The following BARX2 variants were observed in gnomAD, a reference collection of about 807,000 sequenced individuals.
BARX2 encodes BARX homeobox 2.
A neutral mutation model predicts 25.5 loss-of-function variants in BARX2; 11 were observed. The ratio of observed to expected loss-of-function variants is 0.43; its 90% CI spans 0.27 to 0.71. The LOEUF is 0.71. BARX2 is among the 30% of genes least tolerant of loss of function. BARX2 has a pLI of 0.19. For missense variants in BARX2, 360 were observed against 359.9 expected (o/e 1.00, Z 0.00); for synonymous variants, 137 against 149.5 (o/e 0.92, Z 0.61).
At chr11:129,442,255 G>A (rs150168410) in intron 2 of BARX2, among the ~76,000 whole-genome samples, 8 of 152,248 alleles carry the variant, frequency 5.3e-5, no homozygotes, top group African/African-American at 1.2e-4. Flanking sequence ...GAAGGTATAC[G>A]CTGCCCTGGC....
chr11:129,397,598 T>C (rs1263319629), intron 1 of BARX2, among the ~76,000 whole-genome samples: 1 of 152,212 alleles, frequency 6.6e-6, no homozygotes, highest in Non-Finnish European at 1.5e-5. Flanking sequence ...TAAAAAAATA[T>C]TGTGGACCAT....
intron 1 of BARX2, among the ~76,000 whole-genome samples, chr11:129,416,084 G>C (rs1487300603): frequency 6.6e-6 from 1 of 152,198 alleles, no homozygotes; most frequent in East Asian, 1.9e-4. Context: ...TGGGCTGGCT[G>C]TTCTCTGTGT....
chr11:129,437,527 A>C, intron 2 of BARX2: 2 of 986,166 alleles, frequency 2.0e-6, no homozygotes, highest in Non-Finnish European at 2.4e-6. Context: ...GGAGGGATCC[A>C]GTTGAGGAGG....
intron 1 of BARX2, among the ~76,000 whole-genome samples, chr11:129,377,841 T>A (rs1861519615): frequency 6.6e-6 from 1 of 152,236 alleles, no homozygotes; most frequent in African/African-American, 2.4e-5. Context: ...AGTGACTTTG[T>A]GCTGTGTTGA....
chr11:129,410,369 G>T (rs796122897), intron 1 of BARX2, among the ~76,000 whole-genome samples: 7 of 152,164 alleles, frequency 4.6e-5, no homozygotes, highest in African/African-American at 1.7e-4. Context: ...TCTCTCTGAG[G>T]ATGTTAATGA....
At chr11:129,391,263 C>T (rs1446385000) in intron 1 of BARX2, among the ~76,000 whole-genome samples, 2 of 152,124 alleles carry the variant, frequency 1.3e-5, no homozygotes, top group East Asian at 3.9e-4. Flanking sequence ...AAATCAAAAG[C>T]GGAACATTTC....
rs200656284 is a variant in BARX2, at chr11:129,385,256, C to T, written c.187+9034C>T. On this transcript the variant is annotated intron_variant, in intron 1 of 3. Coordinates refer to ENST00000281437, the MANE Select transcript of BARX2 (RefSeq NM_003658.5). ...AATTTGGCAACAAATGGCAAAGCTG[C>T]AGACGCACATACCCTAGGGCTCAGC... 1.6e-4 allele frequency among the ~76,000 whole-genome samples: 25 copies of T among 152,278 alleles called. No individual in the cohort carries two copies. In the East Asian group the frequency reaches 3.5e-3, roughly 21 times the overall value.
At chr11:129,417,684 AACTGGGTTCTCCGATGCTG>A (rs1861959889) in intron 1 of BARX2, among the ~76,000 whole-genome samples, 1 of 152,140 alleles carries the variant, frequency 6.6e-6, no homozygotes, top group African/African-American at 2.4e-5. Flanking sequence ...TTGGTGTGGG[AACTGGGTTCTCCGATGCTG>A]ACTGCAAGAG....
rs1045039137 is a variant in BARX2, at chr11:129,412,189, G to A, written c.188-24562G>A. Among the ~76,000 whole-genome samples, 2 of 151,856 alleles carry A rather than the reference G, an allele frequency of 1.3e-5. 1 individual carries two copies. The highest frequency in any genetic ancestry group is 4.2e-4 in the South Asian group (2 of 4,810). On this transcript the variant is annotated intron_variant, in intron 1 of 3. Transcript: ENST00000281437. Reference sequence around the variant, plus strand: ...CGGGAGGCTGAGGCAGGAGAACGGCGTGAACCTGGGAGGCGGAGCTTGCAG... The same window carrying A: ...CGGGAGGCTGAGGCAGGAGAACGGCATGAACCTGGGAGGCGGAGCTTGCAG...
intron 1 of BARX2, among the ~76,000 whole-genome samples, chr11:129,406,736 C>G (rs559964585): frequency 1.6e-3 from 246 of 152,250 alleles, no homozygotes; most frequent in Admixed American, 2.9e-3. Flanking sequence ...TTCAGTTGAG[C>G]CTGCATGTCA....
At chr11:129,435,414 G>A (rs1862177373) in intron 1 of BARX2, among the ~76,000 whole-genome samples, 1 of 152,220 alleles carries the variant, frequency 6.6e-6, no homozygotes, top group Non-Finnish European at 1.5e-5. Context: ...GGCATGGGAA[G>A]GAATAAGAAG....
At chr11:129,384,288 C>G (rs1311742266) in intron 1 of BARX2, among the ~76,000 whole-genome samples, 1 of 150,986 alleles carries the variant, frequency 6.6e-6, no homozygotes, top group Non-Finnish European at 1.5e-5. Context: ...GATGCTTATC[C>G]TTTGGTTTTT....
intron 1 of BARX2, among the ~76,000 whole-genome samples, chr11:129,379,678 G>A (rs773625341): frequency 3.9e-5 from 6 of 151,924 alleles, no homozygotes; most frequent in Admixed American, 6.6e-5. Flanking sequence ...AATTTGAGGC[G>A]TGTTGAGAAA....
chr11:129,412,415 G>A (rs761599521), intron 1 of BARX2, among the ~76,000 whole-genome samples: 8 of 152,176 alleles, frequency 5.3e-5, no homozygotes, highest in Admixed American at 1.3e-4. Context: ...GAGGGTTCTC[G>A]GCTTTGCCTA....
At chr11:129,392,693 CCT>C (rs1368957459) in intron 1 of BARX2, among the ~76,000 whole-genome samples, 2 of 152,070 alleles carry the variant, frequency 1.3e-5, no homozygotes, top group Non-Finnish European at 2.9e-5. Context: ...CCCACTGCAG[CCT>C]CTCTTTCCTG....
intron 3 of BARX2, among the ~76,000 whole-genome samples, chr11:129,443,160 T>G (rs1051293407): frequency 1.1e-4 from 17 of 152,164 alleles, no homozygotes; most frequent in Admixed American, 9.2e-4. Context: ...AAAAAAAGCT[T>G]ACAGGCTTTT....
At chr11:129,442,999 C>T in intron 3 of BARX2, 80 bp downstream of exon 3, 1 of 1,327,342 alleles carries the variant, frequency 7.5e-7, no homozygotes, top group Non-Finnish European at 1.1e-6. Flanking sequence ...GGAGGCCGGA[C>T]CATTTGGCAG....
intron 1 of BARX2, among the ~76,000 whole-genome samples, chr11:129,389,132 T>A (rs1408032154): frequency 6.6e-6 from 1 of 152,250 alleles, no homozygotes. Flanking sequence ...ATAGGGTTAG[T>A]TGTGGAGGTT....
chr11:129,393,481 T>C (rs1030096522), intron 1 of BARX2, among the ~76,000 whole-genome samples: 1 of 151,976 alleles, frequency 6.6e-6, no homozygotes, highest in Non-Finnish European at 1.5e-5. Flanking sequence ...TCTTTCTTTG[T>C]AGGCCATATA....
Sources: allele counts gnomAD v4.1 joint callset (sites outside exome capture counted in the v4.1 genomes callset), GRCh38; gene constraint gnomAD v4.1.1; transcripts MANE v1.5; gene names NCBI Gene and HGNC (gene_info 2026-07-23, HGNC 2026-07-21).